SLC4A10: variants seen among roughly 807,000 people sequenced by gnomAD.
SLC4A10 encodes the protein sodium-driven chloride bicarbonate exchanger.
SLC4A10 carries 42 observed loss-of-function variants against 137.7 expected under a neutral mutation model. The observed-to-expected ratio is 0.30, with a 90% confidence interval of 0.24 to 0.39. The LOEUF is 0.39. SLC4A10 is among the 10% of genes least tolerant of loss of function. The pLI, the probability that SLC4A10 is intolerant of heterozygous loss-of-function variation, is 1.00. For missense variants in SLC4A10, 925 were observed against 1,355.0 expected (o/e 0.68, Z 4.98); for synonymous variants, 474 against 464.1 (o/e 1.02, Z -0.27).
intron 1 of SLC4A10, among the ~76,000 whole-genome samples, chr2:161,743,806 A>G (rs1287323540): frequency 6.6e-6 from 1 of 151,964 alleles, no homozygotes; most frequent in Non-Finnish European, 1.5e-5. Flanking sequence ...GTCCTCTTCA[A>G]TTTCTTGCTT....
intron 3 of SLC4A10, among the ~76,000 whole-genome samples, chr2:161,826,825 T>C (rs1218874474): frequency 2.0e-5 from 3 of 152,206 alleles, no homozygotes; most frequent in Non-Finnish European, 2.9e-5. Context: ...TAAATGTTCT[T>C]TGGAATTCCA....
intron 3 of SLC4A10, among the ~76,000 whole-genome samples, chr2:161,835,332 C>T (rs763300498): frequency 1.8e-4 from 27 of 152,146 alleles, no homozygotes; most frequent in East Asian, 5.8e-4. Flanking sequence ...CCACTGCGCC[C>T]GGCCAAGACT....
chr2:161,759,314 C>T (rs73005144), intron 1 of SLC4A10, among the ~76,000 whole-genome samples: 4,798 of 151,952 alleles, frequency 0.032, 258 homozygotes, highest in African/African-American at 0.11. Context: ...TACATAGTTA[C>T]GTGTGTGTGT....
At chr2:161,818,936 C>A (rs1361107987) in intron 3 of SLC4A10, among the ~76,000 whole-genome samples, 1 of 152,086 alleles carries the variant, frequency 6.6e-6, no homozygotes, top group Non-Finnish European at 1.5e-5. Flanking sequence ...GTCTAAAATT[C>A]TCTTTTTTTG....
intron 26 of SLC4A10, among the ~76,000 whole-genome samples, chr2:161,980,796 C>A (rs1024157996): frequency 1.3e-5 from 2 of 152,230 alleles, no homozygotes; most frequent in Non-Finnish European, 2.9e-5. Flanking sequence ...CAGGGACACT[C>A]TTATCTATCT....
At position 161,855,353 on chromosome 2, in the gene SLC4A10, C is replaced by T. The variant is rs191376025; in HGVS notation, c.577+223C>T. ...GGCAGTGCCAAGTCTAGGACAAGAA[C>T]CTAGATATCTTGATTCCCATTCACC... On this transcript the variant is annotated intron_variant, in intron 5 of 26. Transcript: ENST00000446997. 1.3e-3 allele frequency among the ~76,000 whole-genome samples: 192 copies of T among 152,170 alleles called. 1 individual carries two copies. The highest frequency in any genetic ancestry group is 3.4e-3 in the Middle Eastern group (1 of 294).
chr2:161,785,638 A>G (rs2053537003), intron 2 of SLC4A10, among the ~76,000 whole-genome samples: 1 of 151,830 alleles, frequency 6.6e-6, no homozygotes, highest in Non-Finnish European at 1.5e-5. Flanking sequence ...ATTATTTAAC[A>G]TCGTTTCATG....
At chr2:161,741,163 G>C (rs1012629115) in intron 1 of SLC4A10, among the ~76,000 whole-genome samples, 13 of 151,690 alleles carry the variant, frequency 8.6e-5, no homozygotes, top group Admixed American at 5.3e-4. Context: ...TACTTGGGAG[G>C]CTGAAGTGGA....
chr2:161,870,072 A>T (rs1255257446), intron 6 of SLC4A10, among the ~76,000 whole-genome samples: 1 of 151,254 alleles, frequency 6.6e-6, no homozygotes, highest in Non-Finnish European at 1.5e-5. Flanking sequence ...CTTATAAAGT[A>T]ATATTTTCTA....
chr2:161,700,856 G>C (rs2043053695), intron 1 of SLC4A10, among the ~76,000 whole-genome samples: 1 of 151,988 alleles, frequency 6.6e-6, no homozygotes, highest in African/African-American at 2.4e-5. Flanking sequence ...CTTATTCTCA[G>C]ATCTTGGAAA....
intron 1 of SLC4A10, among the ~76,000 whole-genome samples, chr2:161,722,834 A>T (rs1158625587): frequency 6.6e-6 from 1 of 152,190 alleles, no homozygotes; most frequent in African/African-American, 2.4e-5. Context: ...CCTCCATCCC[A>T]GGGAGATCAG....
intron 19 of SLC4A10, among the ~76,000 whole-genome samples, chr2:161,951,631 G>A (rs1033560269): frequency 1.3e-5 from 2 of 152,226 alleles, no homozygotes; most frequent in Middle Eastern, 3.4e-3. Flanking sequence ...TGGGGTAGTT[G>A]CCAGCTATTT....
chr2:161,905,876 G>A lies in SLC4A10; in HGVS notation c.1986G>A (p.Leu662=). The A allele has an allele frequency of 6.2e-7, 1 of 1,609,704 alleles. No homozygotes were observed. The highest frequency in any genetic ancestry group is 8.5e-7 in the Non-Finnish European group (1 of 1,177,578). ...PINMHNDLEL[L]TQYSCNCVEP... is the part of the protein sequence containing the mutation. ...ACATGCATAATGATCTGGAACTGCT[G>A]ACACAATACTCGTAAGTACCATTTC... Residue 662 remains leucine (L), a synonymous_variant, in exon 15 of 27, where the codon CTG becomes CTA. Transcript: ENST00000446997.
intron 7 of SLC4A10, 94 bp downstream of exon 7, chr2:161,872,478 C>A: frequency 4.5e-6 from 4 of 885,560 alleles, no homozygotes; most frequent in Non-Finnish European, 5.2e-6. Context: ...ATTTTGCATG[C>A]GCTTTTTGTT....
chr2:161,965,309 A>G, intron 23 of SLC4A10, 136 bp downstream of exon 23: 1 of 800,360 alleles, frequency 1.2e-6, no homozygotes, highest in Non-Finnish European at 1.8e-6. Context: ...CAAGTAGACT[A>G]GTTTGGAAGT....
At chr2:161,646,409 T>C (rs1204282872) in intron 1 of SLC4A10, among the ~76,000 whole-genome samples, 1 of 151,978 alleles carries the variant, frequency 6.6e-6, no homozygotes, top group Non-Finnish European at 1.5e-5. Context: ...AAAACAAATA[T>C]GCTAAAAATA....
chr2:161,954,576 A>G (rs1394766819), intron 19 of SLC4A10, among the ~76,000 whole-genome samples: 1 of 152,222 alleles, frequency 6.6e-6, no homozygotes, highest in Admixed American at 6.5e-5. Flanking sequence ...ATTTTGTTAC[A>G]AAGTCCAAGT....
intron 16 of SLC4A10, among the ~76,000 whole-genome samples, chr2:161,946,663 A>T (rs1003778405): frequency 3.3e-5 from 5 of 151,730 alleles, no homozygotes; most frequent in Non-Finnish European, 7.4e-5. Flanking sequence ...TTCATTCAAA[A>T]TATTTGTTTG....
At chr2:161,801,561 G>A (rs2055366628) in intron 2 of SLC4A10, among the ~76,000 whole-genome samples, 2 of 152,080 alleles carry the variant, frequency 1.3e-5, no homozygotes, top group South Asian at 4.2e-4. Flanking sequence ...GGAATTACAG[G>A]AGAGAAGACA....
Sources: allele counts gnomAD v4.1 joint callset (sites outside exome capture counted in the v4.1 genomes callset), GRCh38; gene constraint gnomAD v4.1.1; transcripts MANE v1.5; gene names NCBI Gene and HGNC (gene_info 2026-07-23, HGNC 2026-07-21).